Variants in PGM2L1 observed in about 807,000 individuals in gnomAD.
PGM2L1 encodes the protein glucose 1,6-bisphosphate synthase.
A neutral mutation model predicts 73.4 loss-of-function variants in PGM2L1; 35 were observed. The observed-to-expected ratio is 0.48, with a 90% CI of 0.36 to 0.63. The LOEUF is 0.63. Ranked by LOEUF, PGM2L1 falls within the 30% of genes least tolerant of loss-of-function variation. The pLI is 0.00. For missense variants in PGM2L1, 570 were observed against 742.0 expected, an observed-to-expected ratio of 0.77 and a Z score of 2.69; for synonymous variants, 225 against 253.8, an observed-to-expected ratio of 0.89 and a Z score of 1.08.
At chr11:74,359,035 T>C (rs1862508657) in intron 5 of PGM2L1, among the ~76,000 whole-genome samples, 1 of 152,164 alleles carries the variant, frequency 6.6e-6, no homozygotes, top group Non-Finnish European at 1.5e-5. Context: ...TATTAAAAAA[T>C]ACATAGATGA....
chr11:74,379,650 G>A (rs1433399646), intron 1 of PGM2L1, among the ~76,000 whole-genome samples: 5 of 151,978 alleles, frequency 3.3e-5, no homozygotes, highest in African/African-American at 7.3e-5. Context: ...CAGGCTGGGC[G>A]CGGTGGCTTA....
chr11:74,356,605 G>A (rs1051051945), intron 5 of PGM2L1, among the ~76,000 whole-genome samples: 1 of 151,988 alleles, frequency 6.6e-6, no homozygotes, highest in African/African-American at 2.4e-5. Flanking sequence ...TTTCAAATGG[G>A]AAAAATACCA....
rs1243166848 is a variant in PGM2L1 at position 74,398,215 on chromosome 11, G to T, written c.-54C>A. ...GCCGGCGAAGACACTGAGTTGGGGT[G>T]GGGGGTGGCTTGGGGTTCGCTCACC... On this transcript the variant is annotated 5_prime_UTR_variant, in exon 1 of 14. Transcript: ENST00000298198. 92 of 1,552,936 alleles carry T rather than the reference G, an allele frequency of 5.9e-5. No individual in the cohort carries two copies. The highest frequency in any genetic ancestry group is 7.3e-5 in the Non-Finnish European group (84 of 1,148,330).
chr11:74,338,234 A>T (rs1186472164), intron 13 of PGM2L1, among the ~76,000 whole-genome samples: 1 of 152,168 alleles, frequency 6.6e-6, no homozygotes, highest in Non-Finnish European at 1.5e-5. Context: ...AGAGAAAGAC[A>T]GTAGATTGGG....
intron 1 of PGM2L1, among the ~76,000 whole-genome samples, chr11:74,379,294 C>T (rs11236083): frequency 0.17 from 25,196 of 151,888 alleles, 2,300 homozygotes; most frequent in East Asian, 0.28. Context: ...AGAGTGACAA[C>T]TCCTTATTAT....
At chr11:74,381,389 C>CCT (rs1258205574) in intron 1 of PGM2L1, among the ~76,000 whole-genome samples, 29 of 152,178 alleles carry the variant, frequency 1.9e-4, no homozygotes, top group Non-Finnish European at 1.5e-5. Context: ...ACTCTAAGGA[C>CCT]CTAGAGGAGT....
chr11:74,368,514 C>T lies in PGM2L1; in HGVS notation c.533G>A (p.Arg178His), dbSNP rs745737634. The change falls in exon 5 of 14, where the codon CGC (arginine) becomes CAC (histidine). Residue 178 changes from arginine (R) to histidine (H), a missense_variant. Arg to His is a conservative substitution (Grantham distance 29). Coordinates refer to ENST00000298198, the MANE Select transcript of PGM2L1 (RefSeq NM_173582.6). ...TACCTTGTATCCATTGTCTTCCTTG[C>T]GGTTGTGAGAGGCAGTAATCATCAC... ...AGVMITASHN[R>H]KEDNGYKVYW... The T allele has an allele frequency of 1.2e-5, 20 of 1,613,188 alleles. No individual in the cohort carries two copies. The highest frequency in any genetic ancestry group is 6.7e-5 in the African/African-American group (5 of 74,906).
At chr11:74,347,953 G>A (rs897073160) in intron 6 of PGM2L1, among the ~76,000 whole-genome samples, 42 of 152,128 alleles carry the variant, frequency 2.8e-4, no homozygotes, top group Admixed American at 2.4e-3. Context: ...CTCCAAGATG[G>A]TGACTTAATT....
intron 5 of PGM2L1, among the ~76,000 whole-genome samples, chr11:74,360,917 G>C (rs1000406586): frequency 6.6e-6 from 1 of 152,212 alleles, no homozygotes; most frequent in Non-Finnish European, 1.5e-5. Context: ...GAACTGGGTG[G>C]AGCCCACCAC....
In PGM2L1 at chr11:74,338,539, A is replaced by G. The variant is rs1254261563; in HGVS notation, c.1695T>C (p.Ala565=). Reference sequence around the variant, plus strand: ...GTTCTGTTCCACTTGTCCGAAGGGTAGCAACACAGCCATTTTGAAAAGTAA... The same window carrying G: ...GTTCTGTTCCACTTGTCCGAAGGGTGGCAACACAGCCATTTTGAAAAGTAA... ...ITFTFQNGCV[A]TLRTSGTEPK... Residue 565 remains alanine, a synonymous_variant, in exon 13 of 14, where the codon GCT becomes GCC. Transcript: ENST00000298198. 2 of 1,607,122 alleles carry G rather than the reference A, an allele frequency of 1.2e-6. No individual in the cohort carries two copies. Among genetic ancestry groups the G allele is most frequent in the Non-Finnish European group, 1.7e-6 (2 of 1,174,726 alleles).
At chr11:74,344,690 T>C (rs1463442566) in intron 9 of PGM2L1, among the ~76,000 whole-genome samples, 3 of 151,906 alleles carry the variant, frequency 2.0e-5, no homozygotes, top group Non-Finnish European at 4.4e-5. Flanking sequence ...TTGTGCCCAT[T>C]ATACTTCTTC....
intron 1 of PGM2L1, among the ~76,000 whole-genome samples, chr11:74,391,763 G>A (rs972365211): frequency 9.9e-5 from 15 of 151,886 alleles, no homozygotes; most frequent in Non-Finnish European, 2.2e-4. Context: ...ATTTTTAGCC[G>A]CTGGTACCCA....
rs529180055 is a variant in PGM2L1, at chr11:74,379,036, C to T, written c.112-4454G>A. Among the ~76,000 whole-genome samples, 3 of 152,150 alleles carry T rather than the reference C, an allele frequency of 2.0e-5. No homozygotes were observed. The East Asian group carries it at 5.8e-4, about 29-fold the overall frequency. On this transcript the variant is annotated intron_variant, in intron 1 of 13. Coordinates refer to ENST00000298198, the MANE Select transcript of PGM2L1 (RefSeq NM_173582.6). ...TAATCAAGTTTGCCAATGAGAAGTGCGTTAGTTTGTCTGCATTGGTATAAA... is the reference window on the plus strand; with the variant it reads ...TAATCAAGTTTGCCAATGAGAAGTGTGTTAGTTTGTCTGCATTGGTATAAA...
intron 6 of PGM2L1, among the ~76,000 whole-genome samples, chr11:74,348,328 G>A (rs1380682064): frequency 2.0e-5 from 3 of 152,038 alleles, no homozygotes; most frequent in Non-Finnish European, 4.4e-5. Flanking sequence ...TTTATTATAA[G>A]ATAAATAATA....
In PGM2L1 at chr11:74,346,827, T is replaced by C. The variant is rs1862274262; in HGVS notation, c.942A>G (p.Glu314=). Residue 314 remains glutamate (E), a splice_region_variant and synonymous_variant, in exon 8 of 14, where the codon GAA becomes GAG. Transcript: ENST00000298198. Reference sequence around the variant, plus strand: ...CTTTCTCTGCCAGTCTCAAGGAAAGTTCCTGAAACAGTGACCCAAAAAGCT... The same window carrying C: ...CTTTCTCTGCCAGTCTCAAGGAAAGCTCCTGAAACAGTGACCCAAAAAGCT... ...PNPEEGESVL[E]LSLRLAEKEN... 6.2e-7 allele frequency: 1 copy of C among 1,613,160 alleles called. No homozygotes were observed. The highest frequency in any genetic ancestry group is 8.5e-7 in the Non-Finnish European group (1 of 1,179,150).
At chr11:74,384,901 T>G (rs1018085918) in intron 1 of PGM2L1, among the ~76,000 whole-genome samples, 23 of 152,196 alleles carry the variant, frequency 1.5e-4, no homozygotes, top group African/African-American at 5.5e-4. Context: ...GATTCCAACT[T>G]TTGTCCCGCT....
chr11:74,385,550 T>A (rs1353429369), intron 1 of PGM2L1, among the ~76,000 whole-genome samples: 1 of 152,150 alleles, frequency 6.6e-6, no homozygotes, highest in Non-Finnish European at 1.5e-5. Context: ...ATACGGAAGT[T>A]GCCTATTTGG....
rs530019546 is a variant in PGM2L1, at chr11:74,374,274, G to A, written c.279+141C>T. The A allele has an allele frequency of 8.4e-5, 50 of 593,348 alleles. No individual in the cohort carries two copies. The Middle Eastern group carries it at 2.0e-3, about 24-fold the overall frequency. The allele number at this position is 593,348 out of a possible 1,614,324, so 36.8% of individuals were successfully genotyped here. A position where few individuals can be genotyped will look rare whatever the true frequency, so the allele number is the denominator to read the frequency against. On this transcript the variant is annotated intron_variant, in intron 2 of 13. Transcript: ENST00000298198. ...AATTTTTGTATTTTTAGTAGAGACG[G>A]GGTTTCACCATGTTGGCCAGGATGA...
At chr11:74,389,731 T>C (rs1217985431) in intron 1 of PGM2L1, among the ~76,000 whole-genome samples, 6 of 151,156 alleles carry the variant, frequency 4.0e-5, no homozygotes, top group Non-Finnish European at 8.8e-5. Context: ...ATTACAGACG[T>C]GAGCCACTGC....
Sources: gnomAD v4.1 joint callset for allele counts (sites outside exome capture counted in the v4.1 genomes callset) on GRCh38, gnomAD v4.1.1 for gene constraint, MANE v1.5 for transcripts, NCBI Gene and HGNC (gene_info 2026-07-23, HGNC 2026-07-21) for gene names.